GTPBP6: variants seen among roughly 807,000 people sequenced by gnomAD.
GTPBP6 encodes GTP binding protein 6, also known as putative GTP-binding protein 6.
A neutral mutation model predicts 28.9 loss-of-function variants in GTPBP6; 33 were observed. That is an observed-to-expected ratio of 1.14 (90% CI 0.87 to 1.53). The LOEUF (loss-of-function observed/expected upper bound fraction) is 1.53. Ranked by LOEUF, GTPBP6 falls within the 40% of genes most tolerant of loss-of-function variation. The probability of loss-of-function intolerance (pLI) is 0.00; values close to 1 mark genes in which losing one functional copy is unlikely to be tolerated. For synonymous variants in GTPBP6, 231 were observed against 192.7 expected, an observed-to-expected ratio of 1.20 and a Z score of -1.65; for missense variants, 507 against 408.3, an observed-to-expected ratio of 1.24 and a Z score of -2.08.
chrX:314,162 T>A, exon 5 of GTPBP6: 1 of 1,612,394 alleles, frequency 6.2e-7, no homozygotes, highest in East Asian at 2.2e-5. Flanking sequence ...GACCCCATGA[T>A]GTAGCGCGAG....
Position 312,640 on chromosome X carries a change from G to T in GTPBP6, c.916+126C>A, listed in dbSNP as rs191318882. 0.01 allele frequency: 10,040 copies of T among 972,086 alleles called. 570 individuals carry two copies. The African/African-American group carries it at 0.13, about 13-fold the overall frequency. The allele number at this position is 972,086 out of a possible 1,614,324, so 60.2% of individuals were successfully genotyped here. ...CGACCATGGGAACCCCCTCTCCTGGGCACGTGCTCACCGCAGCTGTCGTAC... is the reference window on the plus strand; with the variant it reads ...CGACCATGGGAACCCCCTCTCCTGGTCACGTGCTCACCGCAGCTGTCGTAC... On this transcript the variant is annotated intron_variant, in intron 6 of 9. Coordinates refer to ENST00000326153, the Ensembl canonical transcript of GTPBP6.
chrX:310,986 C>T (rs764295322), intron 7 of GTPBP6, among the ~76,000 whole-genome samples: 27 of 152,176 alleles, frequency 1.8e-4, no homozygotes, highest in Non-Finnish European at 3.1e-4. Context: ...CCCGGGAACA[C>T]GCTTATGTGT....
intron 1 of GTPBP6, among the ~76,000 whole-genome samples, chrX:317,695 A>ACCCC (rs2070463521): frequency 1.3e-5 from 1 of 74,812 alleles, no homozygotes; most frequent in Non-Finnish European, 2.5e-5. Flanking sequence ...CGGCCCACCC[A>ACCCC]ACCCCACCCC....
intron 9 of GTPBP6, among the ~76,000 whole-genome samples, chrX:306,944 T>C (rs887903039): frequency 6.8e-6 from 1 of 146,638 alleles, no homozygotes; most frequent in African/African-American, 2.6e-5. Flanking sequence ...AAATGTACAT[T>C]TTGACTGTCA....
intron 2 of GTPBP6, among the ~76,000 whole-genome samples, chrX:315,691 C>G (rs1183671066): frequency 7.7e-4 from 4 of 5,164 alleles, no homozygotes; most frequent in Admixed American, 3.5e-3. Context: ...CACATACACA[C>G]ACACACACAC....
chrX:317,887 G>A (rs1309751034), intron 1 of GTPBP6, among the ~76,000 whole-genome samples: 1 of 98,470 alleles, frequency 1.0e-5, no homozygotes, highest in Non-Finnish European at 2.0e-5. Flanking sequence ...TTTCACCCAT[G>A]GGCTCCTCCC....
In GTPBP6 at chrX:316,301, GACAC is replaced by G. The variant is rs1221227899; in HGVS notation, c.487+609_487+612del. Among the ~76,000 whole-genome samples, 10 of 16,108 alleles carry G rather than the reference GACAC, an allele frequency of 6.2e-4. 1 individual carries two copies. Among genetic ancestry groups the G allele is most frequent in the African/African-American group, 9.6e-4 (6 of 6,260 alleles). The allele number at this position is 16,108 out of a possible 152,430, so 10.6% of individuals were successfully genotyped here. A position where few individuals can be genotyped will look rare whatever the true frequency, so the allele number is the denominator to read the frequency against. On this transcript the variant is annotated intron_variant, in intron 2 of 9. Coordinates refer to ENST00000326153, the Ensembl canonical transcript of GTPBP6. ...CAGTAAATACATCCCGACAGGGACA[GACAC>G]ACACACACATGCACCGTGGACACAT...
intron 4 of GTPBP6, among the ~76,000 whole-genome samples, chrX:314,599 A>C (rs1456868560): frequency 6.6e-6 from 1 of 151,336 alleles, no homozygotes; most frequent in South Asian, 2.1e-4. Context: ...CAGCCTCCTG[A>C]GTAGCTGGGA....
Position 311,817 on chromosome X carries a change from C to T in GTPBP6, c.917-190G>A, listed in dbSNP as rs186952298. On this transcript the variant is annotated intron_variant, in intron 6 of 9. Transcript: ENST00000326153. ...GGGACAAAGCCACCGTCGCTGTTCT[C>T]GGGCCGATGGAGCGGGGCCGCCGTG... The T allele has an allele frequency of 1.6e-3, 984 of 620,296 alleles. 11 individuals are homozygous for T. The African/African-American group carries it at 0.016, about 10-fold the overall frequency. The allele number at this position is 620,296 out of a possible 1,614,324, so 38.4% of individuals were successfully genotyped here.
At position 305,214 on chromosome X, in the gene GTPBP6, G is replaced by C. The variant is rs768036980; in HGVS notation, c.1428-17C>G. On this transcript the variant is annotated splice_polypyrimidine_tract_variant and intron_variant, in intron 9 of 9. Coordinates refer to ENST00000326153, the Ensembl canonical transcript of GTPBP6. Reference sequence around the variant, plus strand: ...TACAGCCAGCTGGGCACAGATGCGCGTTGTATGGAGACAAGCAGAACCCGT... The same window carrying C: ...TACAGCCAGCTGGGCACAGATGCGCCTTGTATGGAGACAAGCAGAACCCGT... 4.4e-6 allele frequency: 7 copies of C among 1,587,724 alleles called. No individual in the cohort carries two copies. Among genetic ancestry groups the C allele is most frequent in the Non-Finnish European group, 6.1e-6 (7 of 1,156,120 alleles).
rs61699986 is a variant in GTPBP6, at chrX:305,632, A to ATTT, written c.1428-438_1428-436dup. Reference sequence around the variant, plus strand: ...CACTGCGCCCGGCTTTTTATTTTTTATTTTTTTTTTTGAGACAGAGTCTCG... The same window carrying ATTT: ...CACTGCGCCCGGCTTTTTATTTTTTATTTTTTTTTTTTTTGAGACAGAGTCTCG... On this transcript the variant is annotated intron_variant, in intron 9 of 9. Transcript: ENST00000326153. Among the ~76,000 whole-genome samples the ATTT allele has an allele frequency of 2.9e-4, 35 of 122,406 alleles. 1 individual carries two copies. The highest frequency in any genetic ancestry group is 1.1e-3 in the African/African-American group (34 of 32,034). The allele number at this position is 122,406 out of a possible 152,430, so 80.3% of individuals were successfully genotyped here.
intron 7 of GTPBP6, among the ~76,000 whole-genome samples, chrX:310,760 C>A (rs1329270857): frequency 6.6e-6 from 1 of 151,546 alleles, no homozygotes; most frequent in Non-Finnish European, 1.5e-5. Flanking sequence ...GGTCAGCTCC[C>A]GCTTTCTGGA....
exon 10 of GTPBP6, chrX:305,056 GCC>G: frequency 6.2e-7 from 1 of 1,610,866 alleles, no homozygotes; most frequent in African/African-American, 1.3e-5. Context: ...CACCCCGCAG[GCC>G]TCTGTGGGCG....
chrX:312,210 GGGGTGGTGGTATA>G (rs762699306), intron 6 of GTPBP6: 9,763 of 416,006 alleles, frequency 0.023, 7 homozygotes, highest in Middle Eastern at 0.082. Context: ...TTATGTAGAC[GGGGTGGTGGTATA>G]GCTGGGGCAG....
chrX:312,125 T>C (rs1410435584), intron 6 of GTPBP6: 1 of 465,300 alleles, frequency 2.1e-6, no homozygotes, highest in African/African-American at 2.0e-5. Flanking sequence ...GGTGGTGGTA[T>C]AGATGGGGCA....
intron 2 of GTPBP6, among the ~76,000 whole-genome samples, chrX:316,568 G>T (rs1469622030): frequency 6.6e-6 from 1 of 152,188 alleles, no homozygotes; most frequent in East Asian, 1.9e-4. Flanking sequence ...ACTGCTGGTG[G>T]GGTGGGGGTC....
intron 7 of GTPBP6, among the ~76,000 whole-genome samples, chrX:309,661 C>T (rs1332464019): frequency 6.6e-6 from 1 of 151,808 alleles, no homozygotes; most frequent in Non-Finnish European, 1.5e-5. Context: ...AGTGGTGCGG[C>T]CACAAGCCCA....
At chrX:305,137 G>A (rs770377066) in exon 10 of GTPBP6, 24 of 1,613,376 alleles carry the variant, frequency 1.5e-5, no homozygotes, top group East Asian at 4.5e-5. Context: ...CCCTCACGTC[G>A]GCCGCCCCGT....
chrX:314,112 C>T lies in GTPBP6; in HGVS notation c.757+38G>A, dbSNP rs769658784. 88 of 1,530,764 alleles carry T rather than the reference C, an allele frequency of 5.7e-5. 1 individual carries two copies. Among genetic ancestry groups the T allele is most frequent in the East Asian group, 5.0e-4 (22 of 44,364 alleles). 94.8% of individuals were successfully genotyped at this position (1,530,764 alleles called of 1,614,324 possible). Reference sequence around the variant, plus strand: ...GTGGCTGCCGCTGACAACCGCATTCCGAGGACCCTCTGGGACGCCGCGCCC... The same window carrying T: ...GTGGCTGCCGCTGACAACCGCATTCTGAGGACCCTCTGGGACGCCGCGCCC... On this transcript the variant is annotated intron_variant, in intron 5 of 9. Transcript: ENST00000326153.
Sources: gnomAD v4.1 joint callset for allele counts (sites outside exome capture counted in the v4.1 genomes callset) on GRCh38, gnomAD v4.1.1 for gene constraint, MANE v1.5 for transcripts, NCBI Gene and HGNC (gene_info 2026-07-23, HGNC 2026-07-21) for gene names.